SHANK2: variants seen among roughly 807,000 people sequenced by gnomAD.
The protein encoded by SHANK2 is SH3 and multiple ankyrin repeat domains protein 2.
A neutral mutation model predicts 133.7 loss-of-function variants in SHANK2; 43 were observed. The observed-to-expected ratio is 0.32, with a 90% CI of 0.25 to 0.41. The LOEUF (loss-of-function observed/expected upper bound fraction) is 0.41, where lower values mean the gene tolerates loss of function less well. SHANK2 is among the 10% of genes least tolerant of loss of function. The pLI is 1.00. For missense variants in SHANK2, 1,994 were observed against 2,235.8 expected (o/e 0.89, Z 2.18); for synonymous variants, 1,017 against 952.8 (o/e 1.07, Z -1.24).
At chr11:70,607,411 C>T (rs554997104) in intron 17 of SHANK2, among the ~76,000 whole-genome samples, 1 of 152,298 alleles carries the variant, frequency 6.6e-6, no homozygotes, top group African/African-American at 2.4e-5. Context: ...CAAGTACATG[C>T]TTGGCCAGGT....
intron 14 of SHANK2, among the ~76,000 whole-genome samples, chr11:70,707,239 G>A (rs537279328): frequency 6.6e-6 from 1 of 151,976 alleles, no homozygotes; most frequent in Non-Finnish European, 1.5e-5. Flanking sequence ...GGGTGTGGTG[G>A]TAGGCACCTG....
intron 14 of SHANK2, among the ~76,000 whole-genome samples, chr11:70,756,443 G>A (rs1946874885): frequency 6.6e-6 from 1 of 152,172 alleles, no homozygotes; most frequent in Admixed American, 6.5e-5. Context: ...CAGGTTAGCA[G>A]GTGAAGCCCC....
chr11:70,712,739 C>T (rs189927899), intron 14 of SHANK2, among the ~76,000 whole-genome samples: 1 of 152,338 alleles, frequency 6.6e-6, no homozygotes, highest in Non-Finnish European at 1.5e-5. Context: ...CGGCTAAAAG[C>T]GCCCAGCTCT....
At chr11:70,837,773 G>A (rs924096680) in intron 11 of SHANK2, among the ~76,000 whole-genome samples, 1 of 151,744 alleles carries the variant, frequency 6.6e-6, no homozygotes, top group Non-Finnish European at 1.5e-5. Flanking sequence ...TCAAGAGTTC[G>A]AGACCAGCCT....
intron 12 of SHANK2, among the ~76,000 whole-genome samples, chr11:70,808,561 CAAAAAAAA>C (rs57089863): frequency 2.1e-5 from 2 of 93,184 alleles, no homozygotes; most frequent in African/African-American, 9.1e-5. Flanking sequence ...CCTATTTCTA[CAAAAAAAA>C]AAAAAAAAAA....
intron 10 of SHANK2, among the ~76,000 whole-genome samples, chr11:70,919,490 C>G (rs1950318426): frequency 6.6e-6 from 1 of 151,954 alleles, no homozygotes; most frequent in Non-Finnish European, 1.5e-5. Context: ...CTAAGCAATT[C>G]TCCTGCCTCA....
At chr11:70,747,861 G>T (rs528451715) in intron 14 of SHANK2, among the ~76,000 whole-genome samples, 2 of 152,338 alleles carry the variant, frequency 1.3e-5, no homozygotes, top group South Asian at 4.1e-4. Flanking sequence ...CAGTGTTTGT[G>T]TGTGCATACA....
intron 11 of SHANK2, among the ~76,000 whole-genome samples, chr11:70,828,625 C>A (rs1197340213): frequency 6.6e-6 from 1 of 152,184 alleles, no homozygotes; most frequent in African/African-American, 2.4e-5. Flanking sequence ...GCCAGGGGGG[C>A]CAGAAGCTTT....
At chr11:71,201,860 G>C (rs1414437032) in intron 2 of SHANK2, among the ~76,000 whole-genome samples, 1 of 152,186 alleles carries the variant, frequency 6.6e-6, no homozygotes. Context: ...CAGTCGCCCT[G>C]ACCCGAGGAA....
chr11:71,066,097 G>T (rs1458758113), intron 9 of SHANK2, among the ~76,000 whole-genome samples: 8 of 100,244 alleles, frequency 8.0e-5, no homozygotes, highest in African/African-American at 3.7e-4. Flanking sequence ...TGGTGGGGGG[G>T]GTGTGTGCAG....
intron 12 of SHANK2, among the ~76,000 whole-genome samples, chr11:70,814,413 C>T (rs764222055): frequency 6.6e-5 from 10 of 152,132 alleles, no homozygotes; most frequent in Non-Finnish European, 1.2e-4. Context: ...CAGCCACCCC[C>T]ACTTTCTAGG....
At chr11:70,681,622 G>C (rs1051854850) in intron 15 of SHANK2, among the ~76,000 whole-genome samples, 1 of 152,136 alleles carries the variant, frequency 6.6e-6, no homozygotes, top group African/African-American at 2.4e-5. Flanking sequence ...GGAGAGGCCA[G>C]CTCATTCGCA....
chr11:70,516,458 A>C lies in SHANK2; in HGVS notation c.2062-13527T>G, dbSNP rs550511271. ...GACAGACCTGAAATCTTTCACAAAAATTAACCCCCAGTGGATCACGGACTT... is the reference window on the plus strand; with the variant it reads ...GACAGACCTGAAATCTTTCACAAAACTTAACCCCCAGTGGATCACGGACTT... On this transcript the variant is annotated intron_variant, in intron 17 of 25. Coordinates refer to ENST00000601538, the MANE Select transcript of SHANK2 (RefSeq NM_012309.5). Among the ~76,000 whole-genome samples, 7 of 152,386 alleles carry C rather than the reference A, an allele frequency of 4.6e-5. No individual in the cohort carries two copies. The South Asian group carries it at 1.2e-3, about 27-fold the overall frequency.
intron 2 of SHANK2, among the ~76,000 whole-genome samples, chr11:71,207,249 G>C (rs1036219364): frequency 6.9e-6 from 1 of 144,190 alleles, no homozygotes; most frequent in East Asian, 2.0e-4. Flanking sequence ...GCGCAATCTC[G>C]GCTCACTACA....
At chr11:70,841,815 C>G (rs1555061792) in intron 11 of SHANK2, among the ~76,000 whole-genome samples, 1 of 152,190 alleles carries the variant, frequency 6.6e-6, no homozygotes, top group African/African-American at 2.4e-5. Context: ...GATCTACAGA[C>G]CTTCTCAGGC....
At chr11:71,249,270 C>G (rs1055910899) in intron 1 of SHANK2, among the ~76,000 whole-genome samples, 2 of 152,220 alleles carry the variant, frequency 1.3e-5, no homozygotes, top group African/African-American at 4.8e-5. Flanking sequence ...ATCCTCCCTT[C>G]TCCCCTCTCC....
At chr11:70,746,994 C>A (rs1946653422) in intron 14 of SHANK2, among the ~76,000 whole-genome samples, 1 of 140,852 alleles carries the variant, frequency 7.1e-6, no homozygotes, top group Non-Finnish European at 1.5e-5. Context: ...CATCCCTGCA[C>A]CCCCCTACCC....
At chr11:71,240,291 C>T (rs556367127) in intron 1 of SHANK2, among the ~76,000 whole-genome samples, 1 of 152,184 alleles carries the variant, frequency 6.6e-6, no homozygotes, top group Non-Finnish European at 1.5e-5. Context: ...CAGTGCAGAA[C>T]CCTGATTAAT....
At chr11:70,540,546 GA>G (rs1481547682) in intron 17 of SHANK2, among the ~76,000 whole-genome samples, 1 of 113,602 alleles carries the variant, frequency 8.8e-6, no homozygotes, top group Non-Finnish European at 1.7e-5. Flanking sequence ...GCAGCTTCAC[GA>G]TTAGCGACGG....
Sources: gnomAD v4.1 joint callset for allele counts (sites outside exome capture counted in the v4.1 genomes callset) on GRCh38, gnomAD v4.1.1 for gene constraint, MANE v1.5 for transcripts, NCBI Gene and HGNC (gene_info 2026-07-23, HGNC 2026-07-21) for gene names.